MRTFB: variants seen among roughly 807,000 people sequenced by gnomAD.
MRTFB encodes myocardin-related transcription factor B.
MRTFB carries 29 observed loss-of-function variants against 104.2 expected under a neutral mutation model. The observed-to-expected ratio is 0.28, with a 90% CI of 0.21 to 0.38. MRTFB has a LOEUF of 0.38. MRTFB is among the 10% of genes least tolerant of loss of function. The probability of loss-of-function intolerance (pLI) is 1.00; values close to 1 mark genes in which losing one functional copy is unlikely to be tolerated. For synonymous variants in MRTFB, 535 were observed against 519.5 expected (o/e 1.03, Z -0.41); for missense variants, 1,270 against 1,341.6 (o/e 0.95, Z 0.83).
intron 1 of MRTFB, among the ~76,000 whole-genome samples, chr16:14,075,648 T>C (rs771512601): frequency 1.3e-4 from 20 of 152,244 alleles, no homozygotes; most frequent in Non-Finnish European, 2.5e-4. Context: ...TTGAGAACCA[T>C]TAGAGTAGAG....
intron 8 of MRTFB, among the ~76,000 whole-genome samples, chr16:14,221,216 T>TATAAAA (rs2041686736): frequency 2.6e-5 from 4 of 152,360 alleles, no homozygotes; most frequent in East Asian, 1.9e-4. Flanking sequence ...ATAAGTTTTG[T>TATAAAA]TTTGGCAAAT....
At chr16:14,221,818 G>A (rs1300479147) in intron 8 of MRTFB, among the ~76,000 whole-genome samples, 3 of 113,592 alleles carry the variant, frequency 2.6e-5, no homozygotes, top group Non-Finnish European at 5.0e-5. Flanking sequence ...GTCTCACTCT[G>A]TCACCCAGGC....
the MRTFB span, chr16:14,012,954 C>T: frequency 1.3e-5 from 2 of 152,158 alleles, no homozygotes; most frequent in African/African-American, 4.8e-5. Flanking sequence ...ATACGTTATC[C>T]TCCCCCAGTC....
chr16:14,051,747 C>A, the MRTFB span, among the ~76,000 whole-genome samples: 1 of 152,186 alleles, frequency 6.6e-6, no homozygotes, highest in African/African-American at 2.4e-5. Flanking sequence ...GGTTCAGGGG[C>A]TCTGGAAGGA....
At chr16:14,092,283 G>A (rs746700072) in intron 2 of MRTFB, among the ~76,000 whole-genome samples, 2 of 152,082 alleles carry the variant, frequency 1.3e-5, no homozygotes, top group African/African-American at 4.8e-5. Flanking sequence ...TGTACTTGGC[G>A]CATAGTGGGT....
chr16:14,186,893 C>T (rs2039973178), intron 3 of MRTFB: 1 of 1,597,950 alleles, frequency 6.3e-7, no homozygotes, highest in Admixed American at 1.7e-5. Flanking sequence ...TTGATGCTGC[C>T]TGTCTTCAGA....
At chr16:14,094,224 T>C (rs2035240342) in intron 2 of MRTFB, among the ~76,000 whole-genome samples, 2 of 152,184 alleles carry the variant, frequency 1.3e-5, no homozygotes, top group African/African-American at 4.8e-5. Context: ...TTTCCACTCA[T>C]TTAATTTCCA....
At chr16:14,019,169 C>T in the MRTFB span, 1 of 152,210 alleles carries the variant, frequency 6.6e-6, no homozygotes, top group Non-Finnish European at 1.5e-5. Context: ...GCTAGTGGGT[C>T]GCTAGGGGTG....
the MRTFB span, among the ~76,000 whole-genome samples, chr16:14,057,147 G>A: frequency 6.6e-6 from 1 of 152,164 alleles, no homozygotes; most frequent in East Asian, 1.9e-4. Context: ...ATCGGCAGTG[G>A]GGGTGCAAGA....
chr16:14,199,100 C>T (rs911273760), intron 3 of MRTFB, among the ~76,000 whole-genome samples: 2 of 152,200 alleles, frequency 1.3e-5, no homozygotes. Context: ...ACCTGACCTC[C>T]TCCAACCTGA....
chr16:14,115,095 C>T (rs902100349), intron 2 of MRTFB, among the ~76,000 whole-genome samples: 1 of 152,164 alleles, frequency 6.6e-6, no homozygotes, highest in African/African-American at 2.4e-5. Flanking sequence ...GTCTCCTCTA[C>T]TGGGAAAAGT....
chr16:14,088,897 G>T (rs952041691), intron 2 of MRTFB, among the ~76,000 whole-genome samples: 1 of 152,182 alleles, frequency 6.6e-6, no homozygotes, highest in African/African-American at 2.4e-5. Context: ...GCAGTCTTTG[G>T]TTAATTCCAT....
chr16:13,997,836 A>G, the MRTFB span, among the ~76,000 whole-genome samples: 9 of 151,876 alleles, frequency 5.9e-5, no homozygotes, highest in East Asian at 9.6e-4. Context: ...TTTATTCAAC[A>G]AACATTTGAG....
intron 2 of MRTFB, among the ~76,000 whole-genome samples, chr16:14,137,700 A>G (rs989255680): frequency 2.6e-5 from 4 of 152,084 alleles, no homozygotes; most frequent in Non-Finnish European, 5.9e-5. Flanking sequence ...ACTTTATTTG[A>G]TATTAATATA....
At chr16:14,099,364 C>A (rs866946293) in intron 2 of MRTFB, among the ~76,000 whole-genome samples, 2 of 145,648 alleles carry the variant, frequency 1.4e-5, no homozygotes, top group African/African-American at 5.1e-5. Context: ...TATAAAATTA[C>A]GTGGGTTTTT....
the MRTFB span, among the ~76,000 whole-genome samples, chr16:14,040,239 A>G: frequency 1.3e-5 from 2 of 152,236 alleles, no homozygotes; most frequent in Non-Finnish European, 2.9e-5. Context: ...CCATTCCTCT[A>G]CTAATGGCCA....
At chr16:14,234,406 A>C in intron 9 of MRTFB, 123 bp downstream of exon 9, 4 of 1,167,256 alleles carry the variant, frequency 3.4e-6, no homozygotes, top group Non-Finnish European at 4.7e-6. Flanking sequence ...CCAAAGTCTT[A>C]AAAACTAAGC....
intron 6 of MRTFB, 125 bp from the exon 7 acceptor site, chr16:14,217,001 A>G: frequency 1.0e-6 from 1 of 952,850 alleles, no homozygotes; most frequent in Non-Finnish European, 1.5e-6. Flanking sequence ...TTCTCTTTCC[A>G]TAAATATGTC....
At chr16:14,161,085 CTTTTTTTTTTTTT>C (rs57360069) in intron 3 of MRTFB, among the ~76,000 whole-genome samples, 1 of 53,130 alleles carries the variant, frequency 1.9e-5, no homozygotes, top group Non-Finnish European at 3.4e-5. Flanking sequence ...AATGCCAGGA[CTTTTTTTTTTTTT>C]TTTTTTTTTT....
Sources: gnomAD v4.1 joint callset for allele counts (sites outside exome capture counted in the v4.1 genomes callset) on GRCh38, gnomAD v4.1.1 for gene constraint, MANE v1.5 for transcripts, NCBI Gene and HGNC (gene_info 2026-07-23, HGNC 2026-07-21) for gene names.